Variants in NRXN3 observed in about 807,000 individuals in gnomAD.
The protein encoded by NRXN3 is neurexin III.
A neutral mutation model predicts 137.6 loss-of-function variants in NRXN3; 32 were observed. The ratio of observed to expected loss-of-function variants is 0.23; its 90% CI spans 0.18 to 0.31. The LOEUF is 0.31. NRXN3 is among the 10% of genes least tolerant of loss of function. NRXN3 has a pLI of 1.00. For synonymous variants in NRXN3, 798 were observed against 784.5 expected (o/e 1.02, Z -0.29); for missense variants, 1,574 against 2,062.5 (o/e 0.76, Z 4.59).
At chr14:79,774,210 A>G (rs190854588) in intron 19 of NRXN3, among the ~76,000 whole-genome samples, 7 of 152,306 alleles carry the variant, frequency 4.6e-5, no homozygotes, top group Admixed American at 2.6e-4. Flanking sequence ...ATCTTTCCCA[A>G]TATTGACTGG....
At chr14:79,766,590 G>A (rs1172864870) in intron 19 of NRXN3, among the ~76,000 whole-genome samples, 2 of 152,206 alleles carry the variant, frequency 1.3e-5, no homozygotes, top group Non-Finnish European at 2.9e-5. Flanking sequence ...AAAAGTTGAA[G>A]CTGCTTGCTG....
chr14:79,169,747 T>C (rs2153089540), intron 15 of NRXN3, among the ~76,000 whole-genome samples: 1 of 152,236 alleles, frequency 6.6e-6, no homozygotes, highest in Admixed American at 6.5e-5. Context: ...TTTTTAGGGC[T>C]TTTTCTAACA....
chr14:78,230,258 C>T (rs1056671058), intron 1 of NRXN3, among the ~76,000 whole-genome samples: 1 of 152,054 alleles, frequency 6.6e-6, no homozygotes, highest in African/African-American at 2.4e-5. Flanking sequence ...CTCCTGAGCT[C>T]AAGCAATCTG....
intron 15 of NRXN3, among the ~76,000 whole-genome samples, chr14:79,126,992 C>T (rs2152943336): frequency 6.6e-6 from 1 of 152,224 alleles, no homozygotes; most frequent in South Asian, 2.1e-4. Context: ...AGTGTCTGTT[C>T]ATGTCCTTTG....
At chr14:78,182,852 A>AT (rs1375505562) in intron 1 of NRXN3, among the ~76,000 whole-genome samples, 1 of 151,958 alleles carries the variant, frequency 6.6e-6, no homozygotes, top group East Asian at 1.9e-4. Flanking sequence ...TGAGAAAAAA[A>AT]AAGTTTTTGG....
At chr14:78,451,431 T>A (rs1047615192) in intron 4 of NRXN3, among the ~76,000 whole-genome samples, 8 of 152,208 alleles carry the variant, frequency 5.3e-5, no homozygotes, top group Non-Finnish European at 7.3e-5. Flanking sequence ...TTGGTATGTG[T>A]TCTGTAAATT....
At chr14:78,327,919 G>A (rs1404636351) in intron 4 of NRXN3, among the ~76,000 whole-genome samples, 2 of 152,098 alleles carry the variant, frequency 1.3e-5, no homozygotes, top group Non-Finnish European at 1.5e-5. Context: ...AGGTCCAGCC[G>A]CTGCTTCATG....
At chr14:79,475,047 A>C (rs1236338202) in intron 16 of NRXN3, among the ~76,000 whole-genome samples, 1 of 152,034 alleles carries the variant, frequency 6.6e-6, no homozygotes, top group East Asian at 1.9e-4. Context: ...GCCCCCACAA[A>C]ATGTTGCTAG....
intron 4 of NRXN3, among the ~76,000 whole-genome samples, chr14:78,306,683 T>C (rs764978117): frequency 2.1e-4 from 32 of 152,166 alleles, no homozygotes; most frequent in Non-Finnish European, 4.1e-4. Flanking sequence ...TTTTTATGTG[T>C]AGTTGCCATT....
At position 78,902,631 on chromosome 14, in the gene NRXN3, G is replaced by C. The variant is rs118058429; in HGVS notation, c.2276-54611G>C. Among the ~76,000 whole-genome samples, 66 of 151,888 alleles carry C rather than the reference G, an allele frequency of 4.3e-4. No individual in the cohort carries two copies. In the South Asian group the frequency reaches 4.8e-3, roughly 11 times the overall value. ...TTCTTGATCTAAATATATGAACAACGAAGTCCAAATTATTTAATGTTTCCC... is the reference window on the plus strand; with the variant it reads ...TTCTTGATCTAAATATATGAACAACCAAGTCCAAATTATTTAATGTTTCCC... On this transcript the variant is annotated intron_variant, in intron 10 of 20. Transcript: ENST00000335750.
chr14:78,809,808 A>C (rs547993309), intron 9 of NRXN3, among the ~76,000 whole-genome samples: 1 of 152,210 alleles, frequency 6.6e-6, no homozygotes, highest in Non-Finnish European at 1.5e-5. Context: ...TAAATGATAC[A>C]ATCAGTCAGA....
intron 15 of NRXN3, among the ~76,000 whole-genome samples, chr14:79,456,159 T>C (rs2153595832): frequency 6.6e-6 from 1 of 152,362 alleles, no homozygotes; most frequent in South Asian, 2.1e-4. Flanking sequence ...AGGATTTCTT[T>C]GTCAACAAGA....
intron 15 of NRXN3, among the ~76,000 whole-genome samples, chr14:78,990,234 T>C (rs79018932): frequency 0.028 from 4,288 of 152,290 alleles, 88 homozygotes; most frequent in Non-Finnish European, 0.042. Flanking sequence ...ATCTTTTCAT[T>C]ATAGCAGACT....
intron 16 of NRXN3, among the ~76,000 whole-genome samples, chr14:79,554,427 G>T (rs1199016761): frequency 2.0e-5 from 3 of 152,240 alleles, no homozygotes; most frequent in Non-Finnish European, 4.4e-5. Context: ...TTTCCTTCTT[G>T]TAGGAATAGC....
chr14:78,398,665 T>C (rs2091756323), intron 4 of NRXN3, among the ~76,000 whole-genome samples: 1 of 152,172 alleles, frequency 6.6e-6, no homozygotes, highest in African/African-American at 2.4e-5. Flanking sequence ...AATGGTGGAA[T>C]TGCCTCATTA....
chr14:79,459,501 A>G (rs1463521577), intron 15 of NRXN3, among the ~76,000 whole-genome samples: 1 of 152,050 alleles, frequency 6.6e-6, no homozygotes, highest in Non-Finnish European at 1.5e-5. Flanking sequence ...CTACAAGCCA[A>G]TAGAGAAGCT....
intron 10 of NRXN3, among the ~76,000 whole-genome samples, chr14:78,899,143 A>G (rs992938035): frequency 1.3e-5 from 2 of 151,970 alleles, no homozygotes; most frequent in Non-Finnish European, 2.9e-5. Context: ...TAGGAAAACA[A>G]TTATCCCTTT....
At chr14:79,281,365 A>G (rs1156745285) in intron 15 of NRXN3, among the ~76,000 whole-genome samples, 1 of 152,132 alleles carries the variant, frequency 6.6e-6, no homozygotes, top group Non-Finnish European at 1.5e-5. Context: ...TTACATGGCT[A>G]TTGAGGGAAG....
intron 16 of NRXN3, among the ~76,000 whole-genome samples, chr14:79,520,487 T>C (rs1388301749): frequency 2.0e-5 from 3 of 152,098 alleles, no homozygotes; most frequent in African/African-American, 7.2e-5. Flanking sequence ...GATGTTCCCC[T>C]CCCTGTTCCA....
Sources: allele counts gnomAD v4.1 joint callset (sites outside exome capture counted in the v4.1 genomes callset), GRCh38; gene constraint gnomAD v4.1.1; transcripts MANE v1.5; gene names NCBI Gene and HGNC (gene_info 2026-07-23, HGNC 2026-07-21).